ADAM19: variants seen among roughly 807,000 people sequenced by gnomAD.
ADAM19 encodes disintegrin and metalloproteinase domain-containing protein 19.
A neutral mutation model predicts 114.7 loss-of-function variants in ADAM19; 65 were observed. The observed-to-expected ratio is 0.57, with a 90% CI of 0.46 to 0.70. The LOEUF (loss-of-function observed/expected upper bound fraction) is 0.70. Among genes scored for constraint, ADAM19 ranks in the 30% least tolerant of loss-of-function variants. The probability of loss-of-function intolerance (pLI) is 0.00; values close to 1 mark genes in which losing one functional copy is unlikely to be tolerated. For synonymous variants in ADAM19, 466 were observed against 460.5 expected (o/e 1.01, Z -0.15); for missense variants, 1,063 against 1,204.7 (o/e 0.88, Z 1.74).
In ADAM19 at chr5:157,549,330, C is replaced by G. The variant is rs953336535; in HGVS notation, c.252-11339G>C. On this transcript the variant is annotated intron_variant, in intron 3 of 22. Coordinates refer to ENST00000257527, the MANE Select transcript of ADAM19 (RefSeq NM_033274.5). The stretch of plus-strand genomic sequence containing the variant: ...GGTAGCCCACCAGTGGAAGAAAAAG[C>G]AACCCGTTCCCCAACCTCAACATAT... Among the ~76,000 whole-genome samples, 78 of 152,214 alleles carry G rather than the reference C, an allele frequency of 5.1e-4. 2 individuals carry two copies. Among genetic ancestry groups the G allele is most frequent in the Non-Finnish European group, 2.2e-4 (15 of 68,022 alleles).
intron 10 of ADAM19, among the ~76,000 whole-genome samples, chr5:157,506,378 C>G (rs954195233): frequency 6.6e-6 from 1 of 152,172 alleles, no homozygotes; most frequent in African/African-American, 2.4e-5. Context: ...ATTTAATTCC[C>G]ATTCCTATCC....
intron 9 of ADAM19, 124 bp downstream of exon 9, chr5:157,509,177 G>A (rs191270143): frequency 3.9e-5 from 38 of 966,328 alleles, no homozygotes; most frequent in East Asian, 3.8e-4. Flanking sequence ...TGATTCTCTG[G>A]ACCAGGGAGT....
chr5:157,488,938 G>A (rs1755053370), intron 20 of ADAM19, among the ~76,000 whole-genome samples, 164 bp downstream of exon 20: 1 of 152,034 alleles, frequency 6.6e-6, no homozygotes, highest in Non-Finnish European at 1.5e-5. Flanking sequence ...GCTGAGGCAG[G>A]AGAATGGCGT....
intron 4 of ADAM19, among the ~76,000 whole-genome samples, chr5:157,535,613 G>A (rs1441753495): frequency 3.3e-5 from 5 of 152,202 alleles, no homozygotes; most frequent in Non-Finnish European, 7.3e-5. Context: ...TGGAAGGAGG[G>A]GATTCTGGGA....
chr5:157,562,770 T>C (rs1757543930), intron 3 of ADAM19, among the ~76,000 whole-genome samples: 2 of 152,214 alleles, frequency 1.3e-5, no homozygotes, highest in African/African-American at 4.8e-5. Context: ...TTCTAAGGCA[T>C]CTTCCTGCTT....
At position 157,491,647 on chromosome 5, in the gene ADAM19, C is replaced by A. The variant is rs1331308605; in HGVS notation, c.2063G>T (p.Gly688Val). ...GGGCATAGGCCCACTGTCGATACTG[C>A]CCCCGTGGCCCGGTGTGTTGCAGAA... ...PPFCNTPGHG[G>V]SIDSGPMPPE... Residue 688 changes from glycine to valine, a missense_variant, in exon 18 of 23, where the codon GGC (glycine) becomes GTC (valine). This residue lies in a region of ADAM19 where 424 missense variants were observed against 445.5 expected (regional missense o/e 0.95). Transcript: ENST00000257527. 1 of 1,552,052 alleles carries A rather than the reference C, an allele frequency of 6.4e-7. No homozygotes were observed. Among genetic ancestry groups the A allele is most frequent in the East Asian group, 2.3e-5 (1 of 44,244 alleles).
chr5:157,490,554 C>T (rs2113696216), intron 18 of ADAM19, 100 bp from the exon 19 acceptor site: 1 of 1,386,192 alleles, frequency 7.2e-7, no homozygotes, highest in Non-Finnish European at 1.0e-6. Context: ...ATTTGATTTG[C>T]ATTTAATTTG....
intron 14 of ADAM19, among the ~76,000 whole-genome samples, chr5:157,496,253 T>C (rs1175405337): frequency 2.0e-5 from 3 of 152,246 alleles, no homozygotes; most frequent in South Asian, 2.1e-4. Flanking sequence ...TATTTAGCCA[T>C]AAAGCATTGC....
At chr5:157,481,627 C>T (rs984326405) in intron 22 of ADAM19, 164 bp downstream of exon 22, 1 of 1,548,802 alleles carries the variant, frequency 6.5e-7, no homozygotes, top group African/African-American at 1.4e-5. Flanking sequence ...ACTCCACAGT[C>T]AAGCGGGCAC....
chr5:157,486,818 A>T (rs1287182455), intron 21 of ADAM19, among the ~76,000 whole-genome samples: 1 of 152,144 alleles, frequency 6.6e-6, no homozygotes, highest in Non-Finnish European at 1.5e-5. Flanking sequence ...CATATGCTGA[A>T]GCCCTAACCC....
At chr5:157,551,276 C>T (rs144925391) in intron 3 of ADAM19, among the ~76,000 whole-genome samples, 21 of 151,924 alleles carry the variant, frequency 1.4e-4, no homozygotes, top group African/African-American at 4.3e-4. Flanking sequence ...TGGTGGTGCA[C>T]GCCTGTAATC....
intron 8 of ADAM19, among the ~76,000 whole-genome samples, chr5:157,510,046 T>C (rs1409315250): frequency 6.6e-6 from 1 of 152,242 alleles, no homozygotes; most frequent in Non-Finnish European, 1.5e-5. Context: ...GCCTTATCTT[T>C]CTTATGGGTA....
intron 2 of ADAM19, 139 bp from the exon 3 acceptor site, chr5:157,564,582 C>T (rs891348577): frequency 1.4e-6 from 1 of 739,098 alleles, no homozygotes; most frequent in Non-Finnish European, 2.4e-6. Context: ...TTCCAGCCCA[C>T]ATGTAAAATG....
chr5:157,535,390 T>C (rs1756734143), intron 4 of ADAM19, among the ~76,000 whole-genome samples: 1 of 152,184 alleles, frequency 6.6e-6, no homozygotes, highest in Non-Finnish European at 1.5e-5. Flanking sequence ...GGTAGTAGAG[T>C]GCAGTCTCCA....
intron 5 of ADAM19, among the ~76,000 whole-genome samples, chr5:157,522,791 GA>G (rs1041245887): frequency 6.0e-5 from 9 of 150,496 alleles, no homozygotes; most frequent in South Asian, 2.1e-4. Context: ...ATCTCCAAAA[GA>G]AAAAAAAATA....
intron 21 of ADAM19, among the ~76,000 whole-genome samples, chr5:157,487,063 T>C (rs1754958541): frequency 6.6e-6 from 1 of 152,120 alleles, no homozygotes; most frequent in South Asian, 2.1e-4. Flanking sequence ...CACCTTGACC[T>C]TGGACTCTTA....
At chr5:157,542,715 G>A (rs552320035) in intron 3 of ADAM19, among the ~76,000 whole-genome samples, 29 of 152,358 alleles carry the variant, frequency 1.9e-4, no homozygotes, top group Admixed American at 1.4e-3. Context: ...TGAGGCAGGA[G>A]AATCGCTTGA....
At chr5:157,486,452 G>A (rs1754935547) in intron 21 of ADAM19, among the ~76,000 whole-genome samples, 1 of 152,138 alleles carries the variant, frequency 6.6e-6, no homozygotes, top group South Asian at 2.1e-4. Flanking sequence ...TGGCTGGGCA[G>A]CTTCCTGCAC....
chr5:157,556,694 G>T (rs1000350155), intron 3 of ADAM19, among the ~76,000 whole-genome samples: 12 of 152,140 alleles, frequency 7.9e-5, no homozygotes, highest in Admixed American at 6.5e-4. Context: ...AGGCAGGCAG[G>T]CCAGAGTTTG....
Sources: allele counts gnomAD v4.1 joint callset (sites outside exome capture counted in the v4.1 genomes callset), GRCh38; gene constraint gnomAD v4.1.1; regional missense constraint gnomAD v4.1.1; transcripts MANE v1.5; gene names NCBI Gene and HGNC (gene_info 2026-07-23, HGNC 2026-07-21).